TMEM131: variants seen among roughly 807,000 people sequenced by gnomAD.
TMEM131 encodes the protein 2610524E03Rik.
Under a neutral mutation model 211.6 loss-of-function variants are expected in TMEM131, and 66 were observed. The observed-to-expected ratio is 0.31, with a 90% confidence interval of 0.26 to 0.38. The LOEUF (loss-of-function observed/expected upper bound fraction) is 0.38. Among genes scored for constraint, TMEM131 ranks in the 10% least tolerant of loss-of-function variants. The pLI is 1.00. For missense variants in TMEM131, 2,036 were observed against 2,299.3 expected, an observed-to-expected ratio of 0.89 and a Z score of 2.34; for synonymous variants, 844 against 841.3, an observed-to-expected ratio of 1.00 and a Z score of -0.06.
intron 1 of TMEM131, among the ~76,000 whole-genome samples, chr2:97,967,049 C>T (rs1307215329): frequency 3.9e-5 from 6 of 152,090 alleles, no homozygotes; most frequent in East Asian, 1.9e-4. Flanking sequence ...AACAAACAAA[C>T]GGCACACTTC....
At chr2:97,818,786 TTATACTGGAAAG>T (rs1371907936) in intron 11 of TMEM131, 65 bp from the exon 12 acceptor site, 1 of 1,079,674 alleles carries the variant, frequency 9.3e-7, no homozygotes, top group Non-Finnish European at 1.4e-6. Flanking sequence ...TGCCTTATAC[TTATACTGGAAAG>T]TATACTGGAA....
At chr2:97,893,417 T>C (rs895877774) in intron 3 of TMEM131, among the ~76,000 whole-genome samples, 10 of 152,184 alleles carry the variant, frequency 6.6e-5, no homozygotes, top group East Asian at 3.9e-4. Context: ...AGTAATGGGA[T>C]TGCTGGGTCA....
chr2:97,951,797 C>T (rs1573606883), intron 1 of TMEM131, among the ~76,000 whole-genome samples: 1 of 152,092 alleles, frequency 6.6e-6, no homozygotes, highest in African/African-American at 2.4e-5. Flanking sequence ...CCAGTCCACC[C>T]GCTTTCCACC....
At chr2:97,951,249 C>T (rs1187458102) in intron 1 of TMEM131, among the ~76,000 whole-genome samples, 1 of 152,128 alleles carries the variant, frequency 6.6e-6, no homozygotes, top group African/African-American at 2.4e-5. Context: ...GTCTGTAGTT[C>T]CAAAGACAAT....
chr2:97,933,165 T>C (rs1416653029), intron 1 of TMEM131, among the ~76,000 whole-genome samples: 1 of 152,128 alleles, frequency 6.6e-6, no homozygotes, highest in Admixed American at 6.6e-5. Flanking sequence ...TAACACCACT[T>C]AGGATGTTTT....
rs1679688973 is a variant in TMEM131, at chr2:97,775,714, G to A, written c.4320+129C>T. ...CGCCCAGCACAGGAACCATTCCTCA[G>A]TAGGTGCTCATCCTAGATTTAAACA... On this transcript the variant is annotated intron_variant, in intron 32 of 40. Coordinates refer to ENST00000186436, the MANE Select transcript of TMEM131 (RefSeq NM_015348.2). The A allele has an allele frequency of 3.8e-6, 4 of 1,042,914 alleles. No individual in the cohort carries two copies. The East Asian group carries it at 1.1e-4, about 28-fold the overall frequency. The allele number at this position is 1,042,914 out of a possible 1,614,324, so 64.6% of individuals were successfully genotyped here. A position where few individuals can be genotyped will look rare whatever the true frequency, so the allele number is the denominator to read the frequency against.
intron 1 of TMEM131, among the ~76,000 whole-genome samples, chr2:97,983,394 C>T (rs984040530): frequency 6.6e-6 from 1 of 152,128 alleles, no homozygotes; most frequent in Non-Finnish European, 1.5e-5. Context: ...CAGGTCTCTT[C>T]GGGTCTCTTC....
intron 1 of TMEM131, among the ~76,000 whole-genome samples, chr2:97,960,832 C>T (rs1351788053): frequency 6.6e-6 from 1 of 152,018 alleles, no homozygotes; most frequent in African/African-American, 2.4e-5. Flanking sequence ...TAATATATAA[C>T]ATCCAAACAG....
intron 2 of TMEM131, chr2:97,913,182 C>A (rs751183354): frequency 2.0e-5 from 3 of 152,154 alleles, no homozygotes; most frequent in African/African-American, 4.8e-5. Flanking sequence ...GTCCGGCCTG[C>A]TGCTAAACAC....
chr2:97,773,639 C>T (rs1016649883), intron 32 of TMEM131, among the ~76,000 whole-genome samples: 2 of 149,108 alleles, frequency 1.3e-5, no homozygotes, highest in Non-Finnish European at 3.0e-5. Flanking sequence ...CACATCTACT[C>T]ATGTATTATG....
At chr2:97,770,055 T>A (rs926504938) in intron 33 of TMEM131, among the ~76,000 whole-genome samples, 13 of 152,232 alleles carry the variant, frequency 8.5e-5, no homozygotes, top group African/African-American at 3.1e-4. Context: ...TATTAAAAGA[T>A]GTGTACCTGT....
chr2:97,802,916 A>T, intron 22 of TMEM131, 126 bp from the exon 23 acceptor site: 1 of 760,834 alleles, frequency 1.3e-6, no homozygotes, highest in African/African-American at 1.8e-5. Flanking sequence ...ACATTTATTC[A>T]TTCTAATATT....
intron 38 of TMEM131, 46 bp from the exon 39 acceptor site, chr2:97,759,795 G>A: frequency 7.0e-7 from 1 of 1,435,710 alleles, no homozygotes; most frequent in Non-Finnish European, 9.7e-7. Flanking sequence ...ATGTATGGTG[G>A]TTAGTGCAAA....
intron 4 of TMEM131, among the ~76,000 whole-genome samples, chr2:97,869,389 C>T (rs1674400926): frequency 6.6e-6 from 1 of 152,174 alleles, no homozygotes; most frequent in Admixed American, 6.5e-5. Context: ...GCTTGATCTG[C>T]AATGCTTCTG....
intron 5 of TMEM131, among the ~76,000 whole-genome samples, chr2:97,846,910 G>C (rs542922992): frequency 1.3e-5 from 2 of 152,196 alleles, no homozygotes; most frequent in African/African-American, 4.8e-5. Flanking sequence ...GGCCGGCGCG[G>C]TGGCTCACGC....
intron 3 of TMEM131, among the ~76,000 whole-genome samples, chr2:97,892,785 C>G (rs2104288383): frequency 6.6e-6 from 1 of 152,166 alleles, no homozygotes; most frequent in African/African-American, 2.4e-5. Context: ...AGACATGAGC[C>G]TATTTATTAT....
At chr2:97,804,984 C>T (rs1312204647) in intron 22 of TMEM131, 104 bp downstream of exon 22, 3 of 816,518 alleles carry the variant, frequency 3.7e-6, no homozygotes, top group Non-Finnish European at 5.4e-6. Flanking sequence ...TCTTTCTTAG[C>T]TATAAAGCAA....
intron 1 of TMEM131, among the ~76,000 whole-genome samples, chr2:97,972,566 G>C (rs1417107414): frequency 2.6e-5 from 4 of 152,058 alleles, no homozygotes; most frequent in Non-Finnish European, 5.9e-5. Context: ...TCAATCTGTG[G>C]TGGGCAAAAT....
At chr2:97,802,874 C>T in intron 22 of TMEM131, 84 bp from the exon 23 acceptor site, 1 of 1,242,318 alleles carries the variant, frequency 8.0e-7, no homozygotes, top group South Asian at 1.6e-5. Flanking sequence ...GGCTTATGTA[C>T]TTGAGAAATT....
Sources: allele counts gnomAD v4.1 joint callset (sites outside exome capture counted in the v4.1 genomes callset), GRCh38; gene constraint gnomAD v4.1.1; transcripts MANE v1.5; gene names NCBI Gene and HGNC (gene_info 2026-07-23, HGNC 2026-07-21).